Variants in RBPMS2 observed in about 807,000 individuals in gnomAD.
RBPMS2 encodes the protein RNA-binding protein with multiple splicing 2.
RBPMS2 carries 14 observed loss-of-function variants against 25.7 expected under a neutral mutation model. The observed-to-expected ratio is 0.55, with a 90% CI of 0.36 to 0.85. The LOEUF is 0.85. RBPMS2 is among the 40% of genes least tolerant of loss of function. RBPMS2 has a pLI of 0.01. For synonymous variants in RBPMS2, 127 were observed against 115.6 expected (o/e 1.10, Z -0.63); for missense variants, 252 against 283.4 (o/e 0.89, Z 0.80).
chr15:64,740,926 G>A lies in RBPMS2; in HGVS notation c.*82C>T, dbSNP rs971270338. 5.4e-5 allele frequency: 24 copies of A among 443,272 alleles called. No homozygotes were observed. The highest frequency in any genetic ancestry group is 1.8e-4 in the African/African-American group (9 of 50,100). The allele number at this position is 443,272 out of a possible 1,614,324, so 27.5% of individuals were successfully genotyped here. Reference sequence around the variant, plus strand: ...GGCAGCAGCTCTGTGCAGGCCGCCCGGGGGCAGTGGGAACTCGGGGCGCCT... The same window carrying A: ...GGCAGCAGCTCTGTGCAGGCCGCCCAGGGGCAGTGGGAACTCGGGGCGCCT... On this transcript the variant is annotated 3_prime_UTR_variant, in exon 8 of 8. Transcript: ENST00000300069.
chr15:64,767,146 C>T (rs1257597210), intron 1 of RBPMS2, among the ~76,000 whole-genome samples: 1 of 151,924 alleles, frequency 6.6e-6, no homozygotes. Flanking sequence ...ATCACCCAGG[C>T]TCAAGTGCAG....
chr15:64,775,323 GC>G lies in RBPMS2; in HGVS notation c.-5del. ...CGTCCGGCTTCAGGTTGCTCATGGTGCGGGGGAGGGGGCGGCGGGAAGGAAC... is the reference window on the plus strand; with the variant it reads ...CGTCCGGCTTCAGGTTGCTCATGGTGGGGGGAGGGGGCGGCGGGAAGGAAC... On this transcript the variant is annotated 5_prime_UTR_variant, in exon 1 of 8. Coordinates refer to ENST00000300069, the MANE Select transcript of RBPMS2 (RefSeq NM_194272.3). The G allele has an allele frequency of 1.5e-6, 2 of 1,301,608 alleles. No homozygotes were observed. The highest frequency in any genetic ancestry group is 2.1e-5 in the South Asian group (1 of 48,532). 80.6% of individuals were successfully genotyped at this position (1,301,608 alleles called of 1,614,324 possible).
At chr15:64,756,154 A>G (rs1046406447) in intron 1 of RBPMS2, among the ~76,000 whole-genome samples, 9 of 152,314 alleles carry the variant, frequency 5.9e-5, no homozygotes, top group Non-Finnish European at 5.9e-5. Flanking sequence ...TACACACCTC[A>G]GTCCCTGCAG....
Position 64,749,169 on chromosome 15 carries a change from G to T in RBPMS2, c.268-19C>A. On this transcript the variant is annotated intron_variant, in intron 4 of 7. Transcript: ENST00000300069. ...GAATACCCTACATGGGTAGAGAAAA[G>T]AAGAGAAAGGCTTACTCCGGGGGAC... 6.2e-7 allele frequency: 1 copy of T among 1,613,798 alleles called. No individual in the cohort carries two copies. The highest frequency in any genetic ancestry group is 1.3e-5 in the African/African-American group (1 of 75,032).
At chr15:64,745,285 GT>G (rs1298633164) in intron 6 of RBPMS2, among the ~76,000 whole-genome samples, 1 of 152,078 alleles carries the variant, frequency 6.6e-6, no homozygotes, top group Non-Finnish European at 1.5e-5. Flanking sequence ...AAAACTGCCT[GT>G]TTTTTTCCAT....
At chr15:64,758,092 T>C (rs752496824) in intron 1 of RBPMS2, among the ~76,000 whole-genome samples, 5 of 152,222 alleles carry the variant, frequency 3.3e-5, no homozygotes, top group Non-Finnish European at 5.9e-5. Context: ...GCCTATTCCA[T>C]GGGTTTATTA....
chr15:64,741,146 T>C (rs1369033417), intron 7 of RBPMS2, 27 bp downstream of exon 7: 1 of 1,535,222 alleles, frequency 6.5e-7, no homozygotes. Context: ...AGGACACTTG[T>C]CCTGGGCCTC....
rs1299156656 is a variant in RBPMS2 at position 64,740,436 on chromosome 15, A to T, written c.*572T>A. The T allele has an allele frequency of 1.3e-5, 2 of 151,478 alleles. No individual in the cohort carries two copies. The highest frequency in any genetic ancestry group is 2.9e-5 in the Non-Finnish European group (2 of 67,976). 9.4% of individuals were successfully genotyped at this position (151,478 alleles called of 1,614,324 possible). On this transcript the variant is annotated 3_prime_UTR_variant, in exon 8 of 8. Coordinates refer to ENST00000300069, the MANE Select transcript of RBPMS2 (RefSeq NM_194272.3). The stretch of plus-strand genomic sequence containing the variant: ...CATGTGAAATGAAAAAGCAAACCCC[A>T]TCTATCTGTTGGGTGGAGGTGGGAG...
chr15:64,759,792 C>A (rs1010480984), intron 1 of RBPMS2, among the ~76,000 whole-genome samples: 1 of 152,190 alleles, frequency 6.6e-6, no homozygotes, highest in Non-Finnish European at 1.5e-5. Flanking sequence ...CCTGCCTCAG[C>A]CTCCGGAGTA....
chr15:64,768,744 C>T (rs1398247804), intron 1 of RBPMS2, among the ~76,000 whole-genome samples: 1 of 151,186 alleles, frequency 6.6e-6, no homozygotes, highest in Non-Finnish European at 1.5e-5. Flanking sequence ...CTGCTGTGAG[C>T]TATGATCATG....
chr15:64,748,512 G>T lies in RBPMS2; in HGVS notation c.474C>A (p.Tyr158Ter). 1 of 1,611,266 alleles carries T rather than the reference G, an allele frequency of 6.2e-7. No individual in the cohort carries two copies. Among genetic ancestry groups the T allele is most frequent in the Non-Finnish European group, 8.5e-7 (1 of 1,178,470 alleles). ...IPASPEAWAP[Y>*]PLYTTELTPA... ...GGGTCAGCTCTGTGGTGTACAAAGGGTAGGGGGCCCAGGCCTCTGGGGATG... is the reference window on the plus strand; with the variant it reads ...GGGTCAGCTCTGTGGTGTACAAAGGTTAGGGGGCCCAGGCCTCTGGGGATG... Residue 158 changes from tyrosine to a stop codon, truncating the protein, a stop_gained, in exon 6 of 8, where the codon TAC becomes TAA. Transcript: ENST00000300069. LOFTEE classifies it high-confidence loss of function.
At chr15:64,752,260 C>A (rs2083689515) in intron 1 of RBPMS2, among the ~76,000 whole-genome samples, 1 of 152,002 alleles carries the variant, frequency 6.6e-6, no homozygotes, top group African/African-American at 2.4e-5. Flanking sequence ...GCCCCTCAGA[C>A]AAAAAAGTAT....
At chr15:64,753,350 G>A (rs368256610) in intron 1 of RBPMS2, among the ~76,000 whole-genome samples, 2 of 152,156 alleles carry the variant, frequency 1.3e-5, no homozygotes, top group East Asian at 1.9e-4. Context: ...AACTTGCTCC[G>A]CTCTCTAGTG....
intron 1 of RBPMS2, among the ~76,000 whole-genome samples, chr15:64,770,072 G>C (rs1303731557): frequency 6.6e-6 from 1 of 151,882 alleles, no homozygotes; most frequent in Non-Finnish European, 1.5e-5. Flanking sequence ...CCAGCTACTT[G>C]GGAGGCTGAG....
At chr15:64,749,611 G>C in intron 3 of RBPMS2, 118 bp from the exon 4 acceptor site, 1 of 875,304 alleles carries the variant, frequency 1.1e-6, no homozygotes, top group Non-Finnish European at 1.7e-6. Context: ...CTGCTGATGA[G>C]AATACAAAAG....
At chr15:64,763,412 G>A (rs1050890748) in intron 1 of RBPMS2, among the ~76,000 whole-genome samples, 1 of 152,154 alleles carries the variant, frequency 6.6e-6, no homozygotes, top group African/African-American at 2.4e-5. Flanking sequence ...CCCCCATCTA[G>A]AGGACACTTG....
chr15:64,770,821 C>T lies in RBPMS2; in HGVS notation c.87+4412G>A, dbSNP rs370447150. Among the ~76,000 whole-genome samples, 4 of 152,064 alleles carry T rather than the reference C, an allele frequency of 2.6e-5. No homozygotes were observed. The East Asian group carries it at 7.7e-4, about 29-fold the overall frequency. On this transcript the variant is annotated intron_variant, in intron 1 of 7. Coordinates refer to ENST00000300069, the MANE Select transcript of RBPMS2 (RefSeq NM_194272.3). ...GTTCCATCCACACAAGTCTAAGCAC[C>T]TGTTCACCCACATCTCAGGGAGGGC...
At chr15:64,755,796 CCAAAGCCGCCCAACACCTGCTTCCAT>C (rs2083727104) in intron 1 of RBPMS2, among the ~76,000 whole-genome samples, 1 of 152,164 alleles carries the variant, frequency 6.6e-6, no homozygotes. Context: ...ACAAGAGGTT[CCAAAGCCGCCCAACACCTGCTTCCAT>C]CAAGCCCGCC....
intron 1 of RBPMS2, among the ~76,000 whole-genome samples, chr15:64,758,411 G>A (rs542954533): frequency 3.5e-4 from 54 of 152,204 alleles, no homozygotes; most frequent in Non-Finnish European, 6.3e-4. Flanking sequence ...GGGGGAGACC[G>A]GGGGAACGGA....
Sources: allele counts gnomAD v4.1 joint callset (sites outside exome capture counted in the v4.1 genomes callset), GRCh38; gene constraint gnomAD v4.1.1; transcripts MANE v1.5; gene names NCBI Gene and HGNC (gene_info 2026-07-23, HGNC 2026-07-21).